LETMD1: variants seen among roughly 807,000 people sequenced by gnomAD.
The protein encoded by LETMD1 is LETM1 domain-containing protein 1.
Under a neutral mutation model 43.9 loss-of-function variants are expected in LETMD1, and 30 were observed. That is an observed-to-expected ratio of 0.68 (90% confidence interval 0.51 to 0.93). The LOEUF (loss-of-function observed/expected upper bound fraction) is 0.93, where lower values mean the gene tolerates loss of function less well. Ranked by LOEUF, LETMD1 falls within the 40% of genes least tolerant of loss-of-function variation. LETMD1 has a pLI of 0.00. For synonymous variants in LETMD1, 176 were observed against 163.1 expected (o/e 1.08, Z -0.60); for missense variants, 413 against 447.7 (o/e 0.92, Z 0.70).
In LETMD1 at chr12:51,049,187, TA is replaced by T. The variant is rs1566083454; in HGVS notation, c.274+7del. On this transcript the variant is annotated splice_donor_region_variant and intron_variant, in intron 2 of 8. Transcript: ENST00000262055. ...TCCTGTACACAATCTTCATGAAAGG[TA>T]AAAACGAAACTACAATAGAAATTCC... 1 of 1,607,334 alleles carries T rather than the reference TA, an allele frequency of 6.2e-7. No individual in the cohort carries two copies. Among genetic ancestry groups the T allele is most frequent in the South Asian group, 1.1e-5 (1 of 90,488 alleles).
chr12:51,067,842 G>A, the LETMD1 span: 1 of 1,614,200 alleles, frequency 6.2e-7, no homozygotes, highest in Non-Finnish European at 8.5e-7. The surrounding 1 kb of genome is among the most constrained non-coding windows in gnomAD (Gnocchi z 4.1). Context: ...TCGCCGTTTG[G>A]TGGGCAGAGG....
intron 3 of LETMD1, 66 bp from the exon 4 acceptor site, chr12:51,053,712 A>T: frequency 9.4e-7 from 1 of 1,065,172 alleles, no homozygotes; most frequent in East Asian, 2.4e-5. Context: ...AGTGGGGTGG[A>T]TGGATTGTCT....
chr12:51,048,589 A>G, intron 1 of LETMD1, 111 bp downstream of exon 1: 1 of 1,389,378 alleles, frequency 7.2e-7, no homozygotes, highest in East Asian at 2.3e-5. Flanking sequence ...TTGGCCCTGG[A>G]ATTTTTATTC....
chr12:51,048,940 C>A (rs1032009882), intron 1 of LETMD1, 94 bp from the exon 2 acceptor site: 1 of 1,205,432 alleles, frequency 8.3e-7, no homozygotes, highest in South Asian at 1.5e-5. Context: ...CCTTGGGATA[C>A]AATCTCCGAG....
At chr12:51,050,503 G>C (rs1211384618) in intron 2 of LETMD1, among the ~76,000 whole-genome samples, 1 of 151,720 alleles carries the variant, frequency 6.6e-6, no homozygotes, top group Non-Finnish European at 1.5e-5. Context: ...TTACAGGCTT[G>C]AGCCACCGCG....
At chr12:51,057,353 T>G (rs1301293766) in intron 7 of LETMD1, 1 of 152,414 alleles carries the variant, frequency 6.6e-6, no homozygotes, top group African/African-American at 2.4e-5. Flanking sequence ...CGCCTTGGCC[T>G]TTCAAAGTGT....
chr12:51,048,442 A>C lies in LETMD1; in HGVS notation c.86A>C (p.Gln29Pro). 1 of 1,613,982 alleles carries C rather than the reference A, an allele frequency of 6.2e-7. No individual in the cohort carries two copies. Among genetic ancestry groups the C allele is most frequent in the Non-Finnish European group, 8.5e-7 (1 of 1,180,012 alleles). Reference sequence around the variant, plus strand: ...GGACATTTTGTCACCCGGAGGCTGCAACTTGGTCGCTCTGGCCTGGCTTGG... The same window carrying C: ...GGACATTTTGTCACCCGGAGGCTGCCACTTGGTCGCTCTGGCCTGGCTTGG... ...TPGHFVTRRL[Q>P]LGRSGLAWGA... is the part of the protein sequence containing the mutation. Residue 29 changes from glutamine (Q) to proline (P), a missense_variant, in exon 1 of 9, where the codon CAA (glutamine) becomes CCA (proline). Transcript: ENST00000262055.
chr12:51,059,766 C>T lies in LETMD1; in HGVS notation c.*335C>T, dbSNP rs567236932. 3 of 299,062 alleles carry T rather than the reference C, an allele frequency of 1.0e-5. No individual in the cohort carries two copies. The highest frequency in any genetic ancestry group is 2.1e-5 in the African/African-American group (1 of 47,132). 18.5% of individuals were successfully genotyped at this position (299,062 alleles called of 1,614,324 possible). On this transcript the variant is annotated 3_prime_UTR_variant, in exon 9 of 9. Transcript: ENST00000262055. ...ATGTCCTAGGAAGTCAGCTTTTGCC[C>T]CAGGTGGGAATCCTTATTTGGCTTA...
At chr12:51,053,560 T>C (rs1350240858) in intron 3 of LETMD1, among the ~76,000 whole-genome samples, 2 of 152,120 alleles carry the variant, frequency 1.3e-5, no homozygotes, top group Non-Finnish European at 2.9e-5. Flanking sequence ...GGAGGATCAC[T>C]TGAACCCAGG....
At chr12:51,050,312 T>C (rs1054076274) in intron 2 of LETMD1, among the ~76,000 whole-genome samples, 5 of 151,924 alleles carry the variant, frequency 3.3e-5, no homozygotes, top group Non-Finnish European at 7.4e-5. Flanking sequence ...AACCTCTGCT[T>C]CCCGGATTCA....
chr12:51,048,382 C>T lies in LETMD1; in HGVS notation c.26C>T (p.Ala9Val), dbSNP rs201124687. Residue 9 changes from alanine (A) to valine (V), a missense_variant, in exon 1 of 9, where the codon GCT becomes GTT. By Grantham distance (64) the Ala-to-Val change is moderately conservative. Coordinates refer to ENST00000262055, the MANE Select transcript of LETMD1 (RefSeq NM_015416.5). MALSRVCWARSAVWGSAVT... is the reference protein window; with the variant it reads MALSRVCWVRSAVWGSAVT... ...ATGGCGCTCTCCAGGGTGTGCTGGG[C>T]TCGGTCGGCTGTGTGGGGCTCGGCA... is the stretch of plus-strand genomic sequence containing the variant. 4 of 1,614,124 alleles carry T rather than the reference C, an allele frequency of 2.5e-6. No homozygotes were observed. Among genetic ancestry groups the T allele is most frequent in the African/African-American group, 2.7e-5 (2 of 75,038 alleles).
At chr12:51,064,372 G>C (rs1217679988), downstream of LETMD1, 2 of 1,614,208 alleles carry the variant, frequency 1.2e-6, no homozygotes, top group Admixed American at 3.3e-5. Context: ...TCTGCCTTGA[G>C]CCGCTCCAGT....
chr12:51,056,251 C>G lies in LETMD1; in HGVS notation c.762+6C>G. 6.2e-7 allele frequency: 1 copy of G among 1,613,980 alleles called. No homozygotes were observed. The highest frequency in any genetic ancestry group is 2.2e-5 in the East Asian group (1 of 44,890). ...AACTCCAGGCTTTGCACGTGGTGAG[C>G]ACTTTGAGGGCTTCTCTTTTCCATA... On this transcript the variant is annotated splice_donor_region_variant and intron_variant, in intron 6 of 8. Coordinates refer to ENST00000262055, the MANE Select transcript of LETMD1 (RefSeq NM_015416.5).
the LETMD1 span, chr12:51,068,035 C>T: frequency 3.4e-6 from 5 of 1,473,284 alleles, no homozygotes; most frequent in East Asian, 6.8e-5. Flanking sequence ...AGTGACCATC[C>T]CAGAGCAGCA....
At chr12:51,061,672 A>AT (rs1208268672), downstream of LETMD1, 7 of 152,302 alleles carry the variant, frequency 4.6e-5, no homozygotes, top group Non-Finnish European at 1.5e-5. Context: ...TTTCAGAAAC[A>AT]TATCTTGTGG....
chr12:51,058,266 A>G lies in LETMD1; in HGVS notation c.1012+138A>G. ...TCTAATTGAAAGGGCACAAACTCAC[A>G]TGCCTACTGCATGCCCGGCAGGTAA... On this transcript the variant is annotated intron_variant, in intron 8 of 8. Coordinates refer to ENST00000262055, the MANE Select transcript of LETMD1 (RefSeq NM_015416.5). 3 of 649,904 alleles carry G rather than the reference A, an allele frequency of 4.6e-6. No homozygotes were observed. In the South Asian group the frequency reaches 5.3e-5, roughly 12 times the overall value. 40.3% of individuals were successfully genotyped at this position (649,904 alleles called of 1,614,324 possible).
In LETMD1 at chr12:51,059,711, A is replaced by T. The variant is rs1315558782; in HGVS notation, c.*280A>T. 2 of 440,402 alleles carry T rather than the reference A, an allele frequency of 4.5e-6. No homozygotes were observed. Among genetic ancestry groups the T allele is most frequent in the Non-Finnish European group, 8.5e-6 (2 of 235,584 alleles). 27.3% of individuals were successfully genotyped at this position (440,402 alleles called of 1,614,324 possible). On this transcript the variant is annotated 3_prime_UTR_variant, in exon 9 of 9. Coordinates refer to ENST00000262055, the MANE Select transcript of LETMD1 (RefSeq NM_015416.5). ...ATAGCTGGAACTGGCAGCAGCCTCT[A>T]CTGGGCTTTTACTGTGATGTGTTCA...
chr12:51,054,624 T>C (rs531629758), intron 4 of LETMD1, among the ~76,000 whole-genome samples: 17 of 152,174 alleles, frequency 1.1e-4, no homozygotes, highest in Non-Finnish European at 2.4e-4. Context: ...AGTAAGAATC[T>C]ACATGACTTT....
downstream of LETMD1, chr12:51,064,012 CAG>C: frequency 1.2e-6 from 2 of 1,614,196 alleles, no homozygotes; most frequent in South Asian, 1.1e-5. Flanking sequence ...AGTGAGGTAA[CAG>C]GGAGAGAGAA....
Sources: allele counts gnomAD v4.1 joint callset (sites outside exome capture counted in the v4.1 genomes callset), GRCh38; gene constraint gnomAD v4.1.1; non-coding constraint Gnocchi (gnomAD v3.1); transcripts MANE v1.5; gene names NCBI Gene and HGNC (gene_info 2026-07-23, HGNC 2026-07-21).